The following ACTN2 variants were observed in gnomAD, a reference collection of about 807,000 sequenced individuals.
ACTN2 encodes actinin alpha 2.
A neutral mutation model predicts 113.8 loss-of-function variants in ACTN2; 39 were observed. That is an observed-to-expected ratio of 0.34 (90% CI 0.27 to 0.45). ACTN2 has a LOEUF of 0.45. Ranked by LOEUF, ACTN2 falls within the 20% of genes least tolerant of loss-of-function variation. The pLI is 1.00. For synonymous variants in ACTN2, 429 were observed against 444.1 expected, an observed-to-expected ratio of 0.97 and a Z score of 0.43; for missense variants, 992 against 1,177.9, an observed-to-expected ratio of 0.84 and a Z score of 2.31.
chr1:236,749,068 T>G (rs1416941112), intron 13 of ACTN2, 56 bp from the exon 14 acceptor site: 10 of 1,598,134 alleles, frequency 6.3e-6, no homozygotes, highest in Non-Finnish European at 7.7e-6. Flanking sequence ...CTACTTACAC[T>G]TTCAGTGAAT....
At chr1:236,737,315 A>ATATATATATATATATG (rs1428788821) in intron 9 of ACTN2, 101 bp downstream of exon 9, 20 of 295,000 alleles carry the variant, frequency 6.8e-5, no homozygotes, top group African/African-American at 4.6e-4. Flanking sequence ...ATATATATAT[A>ATATATATATATATATG]TATTTTGCAT....
intron 12 of ACTN2, among the ~76,000 whole-genome samples, chr1:236,746,041 C>G (rs1659225495): frequency 6.6e-6 from 1 of 151,650 alleles, no homozygotes; most frequent in Non-Finnish European, 1.5e-5. Flanking sequence ...TGGCGGGCAC[C>G]TGTAGTCCCA....
At chr1:236,719,135 G>T in intron 3 of ACTN2, 122 bp downstream of exon 3, 1 of 1,429,522 alleles carries the variant, frequency 7.0e-7, no homozygotes, top group East Asian at 2.4e-5. Flanking sequence ...CCTTGTATCA[G>T]GCTCTCTCTT....
chr1:236,718,014 A>T, intron 2 of ACTN2, 42 bp downstream of exon 2: 1 of 1,451,218 alleles, frequency 6.9e-7, no homozygotes, highest in South Asian at 1.2e-5. Flanking sequence ...ATGTGTTATC[A>T]GTAGGTGAGC....
intron 15 of ACTN2, among the ~76,000 whole-genome samples, chr1:236,753,665 T>C (rs1659466022): frequency 6.6e-6 from 1 of 152,188 alleles, no homozygotes; most frequent in South Asian, 2.1e-4. Context: ...GAATGGTCGC[T>C]GCTCCTAATG....
At chr1:236,745,216 T>C (rs1047148110) in intron 12 of ACTN2, among the ~76,000 whole-genome samples, 5 of 151,862 alleles carry the variant, frequency 3.3e-5, no homozygotes, top group South Asian at 2.1e-4. Flanking sequence ...GGGCGAATCA[T>C]GAGGTCAGGA....
chr1:236,697,416 C>T (rs1051704038), intron 1 of ACTN2, among the ~76,000 whole-genome samples: 1 of 152,260 alleles, frequency 6.6e-6, no homozygotes, highest in African/African-American at 2.4e-5. Flanking sequence ...CGGAAGTTAT[C>T]TACATATGCA....
intron 15 of ACTN2, among the ~76,000 whole-genome samples, chr1:236,752,422 G>A (rs375741999): frequency 1.5e-5 from 2 of 134,350 alleles, no homozygotes; most frequent in East Asian, 4.8e-4. Flanking sequence ...TAGTGCATCT[G>A]AGCTTTAAAT....
At chr1:236,737,662 G>A (rs1284035185) in intron 9 of ACTN2, among the ~76,000 whole-genome samples, 1 of 151,822 alleles carries the variant, frequency 6.6e-6, no homozygotes, top group African/African-American at 2.4e-5. Context: ...AGCCTGGTGT[G>A]CGGAGCTGGC....
At chr1:236,690,599 G>A (rs1490056109) in intron 1 of ACTN2, among the ~76,000 whole-genome samples, 4 of 152,060 alleles carry the variant, frequency 2.6e-5, no homozygotes, top group African/African-American at 4.8e-5. Context: ...ATGGTGAAGC[G>A]GCTTTATACA....
At position 236,717,982 on chromosome 1, in the gene ACTN2, A is replaced by G. The variant is rs1376795197; in HGVS notation, c.241+10A>G. The stretch of plus-strand genomic sequence containing the variant: ...TTGGAAGTCATCTCAGGTTGGTGTT[A>G]TATATCCCATCCTATGCTTTCATGT... On this transcript the variant is annotated intron_variant, in intron 2 of 20. Coordinates refer to ENST00000366578, the MANE Select transcript of ACTN2 (RefSeq NM_001103.4). 1.9e-6 allele frequency: 3 copies of G among 1,586,720 alleles called. No homozygotes were observed. The highest frequency in any genetic ancestry group is 2.6e-6 in the Non-Finnish European group (3 of 1,155,770).
Position 236,763,955 on chromosome 1 carries a change from T to G in ACTN2, c.*1336T>G, listed in dbSNP as rs1659780104. On this transcript the variant is annotated 3_prime_UTR_variant, in exon 21 of 21. Coordinates refer to ENST00000366578, the MANE Select transcript of ACTN2 (RefSeq NM_001103.4). ...AGCAGGAATTCTTTTTATATCTGAGTCCTTAATGATCAGGAAATGGATTAC... is the reference window on the plus strand; with the variant it reads ...AGCAGGAATTCTTTTTATATCTGAGGCCTTAATGATCAGGAAATGGATTAC... The G allele has an allele frequency of 6.6e-6, 1 of 152,152 alleles. No individual in the cohort carries two copies. Among genetic ancestry groups the G allele is most frequent in the Non-Finnish European group, 1.5e-5 (1 of 68,034 alleles). The allele number at this position is 152,152 out of a possible 1,614,324, so 9.4% of individuals were successfully genotyped here.
intron 13 of ACTN2, chr1:236,748,059 G>A (rs944851569): frequency 2.4e-5 from 9 of 371,002 alleles, no homozygotes; most frequent in East Asian, 1.9e-4. Flanking sequence ...GTAACAGTAC[G>A]TTTCCAAAAG....
chr1:236,713,497 G>A (rs1322810437), intron 1 of ACTN2, among the ~76,000 whole-genome samples: 1 of 152,142 alleles, frequency 6.6e-6, no homozygotes, highest in South Asian at 2.1e-4. Context: ...AAAGTGCTGG[G>A]ATTACAGGCA....
At chr1:236,713,698 T>A in intron 1 of ACTN2, among the ~76,000 whole-genome samples, 1 of 48,054 alleles carries the variant, frequency 2.1e-5, no homozygotes, top group Non-Finnish European at 4.1e-5. Context: ...ACTGAAGGGA[T>A]ATGCAAGAGA....
At position 236,727,720 on chromosome 1, in the gene ACTN2, C is replaced by G; in HGVS notation, c.579C>G (p.His193Gln). ...GLGLCALIHR[H>Q]RPDLIDYSKL... ...GACTCTGTGCCCTCATCCACCGACACCGGCCTGACCTCATTGACTACTCAA... is the reference window on the plus strand; with the variant it reads ...GACTCTGTGCCCTCATCCACCGACAGCGGCCTGACCTCATTGACTACTCAA... The change falls in exon 6 of 21, where the codon CAC becomes CAG. Residue 193 changes from histidine to glutamine, a missense_variant. This residue lies in a region of ACTN2 where 220 missense variants were observed against 337.5 expected (regional missense o/e 0.65). Transcript: ENST00000366578. 1 of 1,614,198 alleles carries G rather than the reference C, an allele frequency of 6.2e-7. No individual in the cohort carries two copies. The highest frequency in any genetic ancestry group is 8.5e-7 in the Non-Finnish European group (1 of 1,180,038).
intron 1 of ACTN2, among the ~76,000 whole-genome samples, chr1:236,691,636 C>A (rs929180281): frequency 6.6e-6 from 1 of 152,016 alleles, no homozygotes; most frequent in Non-Finnish European, 1.5e-5. Context: ...CAGAGCAAGA[C>A]CCCATCTCAA....
intron 1 of ACTN2, among the ~76,000 whole-genome samples, chr1:236,694,930 G>A (rs1657439673): frequency 6.6e-6 from 1 of 152,060 alleles, no homozygotes; most frequent in Non-Finnish European, 1.5e-5. Context: ...AGCCGGTATG[G>A]TGGCGTGTGC....
At chr1:236,729,992 A>G (rs1284442471) in intron 6 of ACTN2, among the ~76,000 whole-genome samples, 1 of 152,266 alleles carries the variant, frequency 6.6e-6, no homozygotes, top group Non-Finnish European at 1.5e-5. Context: ...ACATACATGT[A>G]TATTCACACA....
Sources: allele counts gnomAD v4.1 joint callset (sites outside exome capture counted in the v4.1 genomes callset), GRCh38; gene constraint gnomAD v4.1.1; regional missense constraint gnomAD v4.1.1; transcripts MANE v1.5; gene names NCBI Gene and HGNC (gene_info 2026-07-23, HGNC 2026-07-21).